Variants in BCAS3 observed in about 807,000 individuals in gnomAD.
BCAS3 encodes BCAS3 microtubule associated cell migration factor, also known as BCAS4/BCAS3 fusion.
In BCAS3, 53 loss-of-function variants were observed where a neutral mutation model predicts 116.1. The ratio of observed to expected loss-of-function variants is 0.46; its 90% CI spans 0.37 to 0.57. The LOEUF (loss-of-function observed/expected upper bound fraction) is 0.57. BCAS3 is among the 20% of genes least tolerant of loss of function. The pLI is 0.00. For synonymous variants in BCAS3, 391 were observed against 408.2 expected (o/e 0.96, Z 0.51); for missense variants, 917 against 1,165.4 (o/e 0.79, Z 3.10).
rs138521635 is a variant in BCAS3 at position 61,132,959 on chromosome 17, G to A, written c.2425+48395G>A. On this transcript the variant is annotated intron_variant, in intron 22 of 23. Coordinates refer to ENST00000407086, the MANE Select transcript of BCAS3 (RefSeq NM_017679.5). The surrounding 1 kb of genome is among the most constrained non-coding windows in gnomAD (Gnocchi z 5.1). ...TCCAATCAAGTGGATTCCTTTTCTT[G>A]GAGAAAGTCTCACTGTACTGAAAGA... Among the ~76,000 whole-genome samples the A allele has an allele frequency of 6.6e-6, 1 of 152,234 alleles. No homozygotes were observed. Among genetic ancestry groups the A allele is most frequent in the African/African-American group, 2.4e-5 (1 of 41,542 alleles).
intron 22 of BCAS3, among the ~76,000 whole-genome samples, chr17:61,090,892 C>A (rs967589309): frequency 6.6e-6 from 1 of 152,064 alleles, no homozygotes; most frequent in Non-Finnish European, 1.5e-5. Flanking sequence ...CCTGACCTCG[C>A]GATCCACATG....
In BCAS3 at chr17:60,953,263, T is replaced by G. The variant is rs190427393; in HGVS notation, c.1221+5911T>G. 1.8e-4 allele frequency among the ~76,000 whole-genome samples: 27 copies of G among 152,340 alleles called. 1 individual carries two copies. The South Asian group carries it at 5.4e-3, about 30-fold the overall frequency. On this transcript the variant is annotated intron_variant, in intron 14 of 23. Transcript: ENST00000407086. ...TAAGCGTTCCCTTTTCTCCACAACC[T>G]AAGGAGCATCTGTTATTTTTTGACT...
intron 22 of BCAS3, among the ~76,000 whole-genome samples, chr17:61,291,016 A>G (rs757187468): frequency 1.5e-4 from 23 of 152,052 alleles, no homozygotes; most frequent in Non-Finnish European, 2.9e-4. Context: ...TCCTGACCTC[A>G]TAATCCACCC....
intron 22 of BCAS3, among the ~76,000 whole-genome samples, chr17:61,092,720 A>G (rs989772191): frequency 6.6e-6 from 1 of 152,070 alleles, no homozygotes; most frequent in Non-Finnish European, 1.5e-5. Flanking sequence ...ATTGAATACC[A>G]AGTGTTCTTT....
chr17:61,277,418 C>A (rs773349453), intron 22 of BCAS3, among the ~76,000 whole-genome samples: 27 of 151,994 alleles, frequency 1.8e-4, no homozygotes, highest in Non-Finnish European at 3.8e-4. Flanking sequence ...ATGAGTAAAT[C>A]TTTGTGACCA....
rs560276948 is a variant in BCAS3 at position 61,347,282 on chromosome 17, G to A, written c.2426-21045G>A. Among the ~76,000 whole-genome samples, 15 of 152,098 alleles carry A rather than the reference G, an allele frequency of 9.9e-5. No individual in the cohort carries two copies. In the South Asian group the frequency reaches 1.0e-3, roughly 11 times the overall value. On this transcript the variant is annotated intron_variant, in intron 22 of 23. Coordinates refer to ENST00000407086, the MANE Select transcript of BCAS3 (RefSeq NM_017679.5). This position sits in a 1 kb window ranked among gnomAD's most constrained non-coding sequence, Gnocchi z 4.3. ...TTTTTAGTAGAGACGGGGTTACACC[G>A]TGTTGGCCAGGCTGGTCTCGATATG... is the stretch of plus-strand genomic sequence containing the variant.
At chr17:60,761,716 TA>T (rs2043555283) in intron 6 of BCAS3, among the ~76,000 whole-genome samples, 2 of 151,666 alleles carry the variant, frequency 1.3e-5, no homozygotes, top group Non-Finnish European at 1.5e-5. Flanking sequence ...TTTGGGTATA[TA>T]CCCAGTAATG....
chr17:61,071,532 T>G (rs1218643414), intron 19 of BCAS3, among the ~76,000 whole-genome samples: 1 of 152,222 alleles, frequency 6.6e-6, no homozygotes, highest in Non-Finnish European at 1.5e-5. Flanking sequence ...AGTTATTTAT[T>G]TCTAACAAGC....
At chr17:60,823,627 A>T (rs1041381251) in intron 7 of BCAS3, among the ~76,000 whole-genome samples, 4 of 152,328 alleles carry the variant, frequency 2.6e-5, no homozygotes, top group African/African-American at 9.6e-5. Context: ...ATGTAGAATA[A>T]GAGAAGTTAA....
At chr17:61,303,511 G>A (rs1475469479) in intron 22 of BCAS3, among the ~76,000 whole-genome samples, 1 of 152,150 alleles carries the variant, frequency 6.6e-6, no homozygotes, top group East Asian at 1.9e-4. Context: ...TGAACTGACA[G>A]TATTACCACC....
chr17:61,226,031 T>TAA lies in BCAS3; in HGVS notation c.2425+141467_2425+141468insAA, dbSNP rs1161471069. Among the ~76,000 whole-genome samples, 5 of 152,200 alleles carry TAA rather than the reference T, an allele frequency of 3.3e-5. No homozygotes were observed. Among genetic ancestry groups the TAA allele is most frequent in the Admixed American group, 3.3e-4 (5 of 15,280 alleles). ...TTCCCCTGTCATCTGCTAATTCCAA[T>TAA]TTGATACTGTTCTGTGTTCAAAAAT... On this transcript the variant is annotated intron_variant, in intron 22 of 23. Transcript: ENST00000407086. This position sits in a 1 kb window ranked among gnomAD's most constrained non-coding sequence, Gnocchi z 6.0.
At chr17:60,683,459 A>G (rs2033495123) in intron 2 of BCAS3, among the ~76,000 whole-genome samples, 1 of 149,218 alleles carries the variant, frequency 6.7e-6, no homozygotes, top group Non-Finnish European at 1.5e-5. Flanking sequence ...AAGACCCATG[A>G]AACGAGAAAG....
chr17:60,862,489 A>T (rs578213729), intron 7 of BCAS3, among the ~76,000 whole-genome samples: 1 of 152,210 alleles, frequency 6.6e-6, no homozygotes, highest in East Asian at 1.9e-4. Context: ...CAATTTTGGA[A>T]TTCATTATTG....
At chr17:61,150,418 CTTA>C (rs557649794) in intron 22 of BCAS3, among the ~76,000 whole-genome samples, 328 of 152,258 alleles carry the variant, frequency 2.2e-3, no homozygotes, top group Non-Finnish European at 4.3e-3. Context: ...AATAGGTAAG[CTTA>C]TTTATGACTT....
intron 4 of BCAS3, among the ~76,000 whole-genome samples, chr17:60,703,710 C>T (rs1207263397): frequency 5.3e-5 from 8 of 150,248 alleles, no homozygotes; most frequent in African/African-American, 2.0e-4. Flanking sequence ...GTCAGGAGAT[C>T]GAGACCATCC....
At chr17:61,358,786 G>A (rs1284980371) in intron 22 of BCAS3, among the ~76,000 whole-genome samples, 2 of 152,080 alleles carry the variant, frequency 1.3e-5, no homozygotes, top group Admixed American at 6.6e-5. Context: ...GTGAGCCACC[G>A]CGTCTGGCCT....
In BCAS3 at chr17:61,367,143, A is replaced by G. The variant is rs1483579519; in HGVS notation, c.2426-1184A>G. Among the ~76,000 whole-genome samples, 2 of 152,236 alleles carry G rather than the reference A, an allele frequency of 1.3e-5. No individual in the cohort carries two copies. The highest frequency in any genetic ancestry group is 3.9e-4 in the East Asian group (2 of 5,194). ...TTCTGACGGCTGATCAAAGAGGAGA[A>G]GCAAGGCCTGATAAAGAGTGCGTGT... On this transcript the variant is annotated intron_variant, in intron 22 of 23. Transcript: ENST00000407086. This position sits in a 1 kb window ranked among gnomAD's most constrained non-coding sequence, Gnocchi z 6.2.
intron 22 of BCAS3, among the ~76,000 whole-genome samples, chr17:61,174,808 A>C (rs1029171457): frequency 6.6e-6 from 1 of 152,206 alleles, no homozygotes; most frequent in African/African-American, 2.4e-5. Context: ...CGGGGAGAAA[A>C]TGAGAAAAAA....
chr17:60,971,193 G>A (rs1018270242), intron 14 of BCAS3, among the ~76,000 whole-genome samples: 8 of 152,204 alleles, frequency 5.3e-5, no homozygotes, highest in African/African-American at 1.9e-4. Context: ...AGGTGCATCT[G>A]TAGTCTGCGA....
Sources: allele counts gnomAD v4.1 joint callset (sites outside exome capture counted in the v4.1 genomes callset), GRCh38; gene constraint gnomAD v4.1.1; non-coding constraint Gnocchi (gnomAD v3.1); transcripts MANE v1.5; gene names NCBI Gene and HGNC (gene_info 2026-07-23, HGNC 2026-07-21).